Variants in NPFFR2 observed in about 807,000 individuals in gnomAD.
NPFFR2 encodes the protein G-protein coupled receptor 74.
A neutral mutation model predicts 13.1 loss-of-function variants in NPFFR2; 15 were observed. The ratio of observed to expected loss-of-function variants is 1.15; its 90% CI spans 0.77 to 1.76. The LOEUF (loss-of-function observed/expected upper bound fraction) is 1.76, where lower values mean the gene tolerates loss of function less well. Among genes scored for constraint, NPFFR2 ranks in the 40% most tolerant of loss-of-function variants. The pLI is 0.00. For missense variants in NPFFR2, 572 were observed against 503.5 expected (o/e 1.14, Z -1.30); for synonymous variants, 190 against 175.7 (o/e 1.08, Z -0.65).
At chr4:72,060,880 G>A (rs1207763618) in intron 1 of NPFFR2, among the ~76,000 whole-genome samples, 1 of 152,072 alleles carries the variant, frequency 6.6e-6, no homozygotes, top group Non-Finnish European at 1.5e-5. Flanking sequence ...GATAATTTAA[G>A]TAACTTTTTT....
Position 72,147,213 on chromosome 4 carries a change from G to A in NPFFR2, c.664G>A (p.Val222Met). The change falls in exon 4 of 4, where the codon GTG becomes ATG. Residue 222 changes from valine (V) to methionine (M), a missense_variant. Physicochemically the swap from Val to Met is conservative, Grantham distance 21 (BLOSUM62 1). Coordinates refer to ENST00000308744, the MANE Select transcript of NPFFR2 (RefSeq NM_004885.3). ...NQEMRKIYTT[V>M]LFANIYLAPL... ...GGAAATGAGGAAGATCTACACCACT[G>A]TGCTGTTTGCCAACATCTACCTGGC... 6.2e-7 allele frequency: 1 copy of A among 1,614,140 alleles called. No individual in the cohort carries two copies. The highest frequency in any genetic ancestry group is 1.1e-5 in the South Asian group (1 of 91,082).
intron 1 of NPFFR2, among the ~76,000 whole-genome samples, chr4:72,079,617 G>C (rs1173513423): frequency 6.6e-6 from 1 of 152,100 alleles, no homozygotes; most frequent in Non-Finnish European, 1.5e-5. Flanking sequence ...TCATAGATCA[G>C]ACCTCATAAA....
At chr4:72,070,582 G>GTGTGTGTGTGT (rs1553889570) in intron 1 of NPFFR2, among the ~76,000 whole-genome samples, 1 of 14,636 alleles carries the variant, frequency 6.8e-5, no homozygotes, top group African/African-American at 1.9e-4. Flanking sequence ...GTGGGGCTCT[G>GTGTGTGTGTGT]GTGGCCTTTG....
At chr4:72,138,723 C>T (rs561184313) in intron 3 of NPFFR2, among the ~76,000 whole-genome samples, 7 of 152,212 alleles carry the variant, frequency 4.6e-5, no homozygotes, top group South Asian at 4.1e-4. Context: ...AATAAACATA[C>T]GTGTGCATGT....
chr4:72,121,126 C>T (rs1462907739), intron 1 of NPFFR2, among the ~76,000 whole-genome samples: 4 of 151,680 alleles, frequency 2.6e-5, no homozygotes, highest in African/African-American at 9.7e-5. Context: ...ATAGCCAAAT[C>T]GATCAAGCGG....
chr4:72,085,839 T>C (rs913188875), intron 1 of NPFFR2, among the ~76,000 whole-genome samples: 1 of 152,156 alleles, frequency 6.6e-6, no homozygotes, highest in African/African-American at 2.4e-5. Flanking sequence ...AATTAAATTA[T>C]CTTTTTGGTA....
At chr4:72,043,075 C>T (rs13122374) in intron 1 of NPFFR2, among the ~76,000 whole-genome samples, 135,218 of 151,992 alleles carry the variant, frequency 0.89, 61,291 homozygotes, top group Non-Finnish European at 0.98. Flanking sequence ...CCACTCCAAC[C>T]GTGGGTAAAA....
chr4:72,082,468 C>T (rs1419584794), intron 1 of NPFFR2, among the ~76,000 whole-genome samples: 1 of 151,814 alleles, frequency 6.6e-6, no homozygotes, highest in African/African-American at 2.4e-5. Flanking sequence ...CTCTTTGGTC[C>T]TCATTTTACT....
At chr4:72,112,932 C>T (rs1721609101) in intron 1 of NPFFR2, among the ~76,000 whole-genome samples, 1 of 152,024 alleles carries the variant, frequency 6.6e-6, no homozygotes, top group Non-Finnish European at 1.5e-5. Flanking sequence ...TTTTCAGACA[C>T]TGGGGATTAG....
intron 2 of NPFFR2, among the ~76,000 whole-genome samples, chr4:72,132,300 C>T (rs1345640191): frequency 6.6e-6 from 1 of 152,144 alleles, no homozygotes; most frequent in African/African-American, 2.4e-5. Context: ...GCCTCCAGCT[C>T]CATCCATGTT....
chr4:72,132,791 T>A (rs1302988383), intron 2 of NPFFR2, among the ~76,000 whole-genome samples: 1 of 152,226 alleles, frequency 6.6e-6, no homozygotes, highest in Non-Finnish European at 1.5e-5. Context: ...GCCACATGTA[T>A]GTCTTCTTTT....
At chr4:72,052,597 G>A (rs1719619185) in intron 1 of NPFFR2, among the ~76,000 whole-genome samples, 1 of 152,062 alleles carries the variant, frequency 6.6e-6, no homozygotes, top group Non-Finnish European at 1.5e-5. Flanking sequence ...AGACAGGGAT[G>A]CCTTCTCACA....
chr4:72,092,803 G>T (rs905377577), intron 1 of NPFFR2, among the ~76,000 whole-genome samples: 2 of 151,966 alleles, frequency 1.3e-5, no homozygotes, highest in Non-Finnish European at 2.9e-5. Flanking sequence ...GCCATTTTTT[G>T]TCTTTCAAGT....
In NPFFR2 at chr4:72,148,032, C is replaced by T; in HGVS notation, c.*220C>T. ...ACGTAGAGTGACTTAGACATGTTTGCATGAATAAATATATTTCTAGAGAAC... is the reference window on the plus strand; with the variant it reads ...ACGTAGAGTGACTTAGACATGTTTGTATGAATAAATATATTTCTAGAGAAC... On this transcript the variant is annotated 3_prime_UTR_variant, in exon 4 of 4. Transcript: ENST00000308744. 2.3e-6 allele frequency: 1 copy of T among 436,498 alleles called. No individual in the cohort carries two copies. Among genetic ancestry groups the T allele is most frequent in the Non-Finnish European group, 4.0e-6 (1 of 248,802 alleles). 27.0% of individuals were successfully genotyped at this position (436,498 alleles called of 1,614,324 possible).
intron 1 of NPFFR2, among the ~76,000 whole-genome samples, chr4:72,083,025 C>T (rs1720672739): frequency 6.6e-6 from 1 of 152,052 alleles, no homozygotes; most frequent in African/African-American, 2.4e-5. Context: ...TAGTATTCCA[C>T]TGTTTGTATG....
intron 1 of NPFFR2, among the ~76,000 whole-genome samples, chr4:72,089,820 TTTAA>T: frequency 6.6e-6 from 1 of 152,280 alleles, no homozygotes; most frequent in Admixed American, 6.5e-5. Context: ...GTTTTTTTAC[TTTAA>T]TTAAGTCCTA....
At position 72,147,660 on chromosome 4, in the gene NPFFR2, G is replaced by A. The variant is rs1166395672; in HGVS notation, c.1111G>A (p.Val371Met). 5.6e-6 allele frequency: 9 copies of A among 1,614,146 alleles called. No homozygotes were observed. The highest frequency in any genetic ancestry group is 7.6e-6 in the Non-Finnish European group (9 of 1,180,022). Residue 371 changes from valine to methionine, a missense_variant, in exon 4 of 4, where the codon GTG becomes ATG. Transcript: ENST00000308744. ...EAYALKAKSH[V>M]LINTSNQLVQ... ...TTATGCCCTAAAAGCTAAAAGCCAT[G>A]TGCTCATAAACACATCTAATCAGCT...
chr4:72,046,341 A>T (rs1719381302), intron 1 of NPFFR2, among the ~76,000 whole-genome samples: 1 of 152,168 alleles, frequency 6.6e-6, no homozygotes. Context: ...TCATGAGTGG[A>T]TTAATGCCAT....
chr4:72,119,091 TA>T (rs1371919081), intron 1 of NPFFR2, among the ~76,000 whole-genome samples: 20 of 152,108 alleles, frequency 1.3e-4, no homozygotes, highest in Non-Finnish European at 2.9e-5. Flanking sequence ...CTGGTATAGC[TA>T]AAAAAATTTG....
Sources: gnomAD v4.1 joint callset for allele counts (sites outside exome capture counted in the v4.1 genomes callset) on GRCh38, gnomAD v4.1.1 for gene constraint, MANE v1.5 for transcripts, NCBI Gene and HGNC (gene_info 2026-07-23, HGNC 2026-07-21) for gene names.